Variants in PPL observed in about 807,000 individuals in gnomAD.
PPL encodes periplakin, also known as 190 kDa paraneoplastic pemphigus antigen.
PPL carries 198 observed loss-of-function variants against 194.4 expected under a neutral mutation model. The ratio of observed to expected loss-of-function variants is 1.02; its 90% CI spans 0.91 to 1.15. The LOEUF (loss-of-function observed/expected upper bound fraction) is 1.15, where lower values mean the gene tolerates loss of function less well. PPL is among the 50% of genes most tolerant of loss of function. The pLI is 0.00. For synonymous variants in PPL, 1,220 were observed against 972.4 expected (o/e 1.25, Z -4.74); for missense variants, 2,885 against 2,294.8 (o/e 1.26, Z -5.25).
Position 4,888,152 on chromosome 16 carries a change from C to T in PPL, c.2464G>A (p.Val822Met), listed in dbSNP as rs1178364529. The T allele has an allele frequency of 5.6e-6, 9 of 1,613,928 alleles. No homozygotes were observed. Among genetic ancestry groups the T allele is most frequent in the East Asian group, 4.5e-5 (2 of 44,894 alleles). The change falls in exon 20 of 22, where the codon GTG becomes ATG. Residue 822 changes from valine (V) to methionine (M), a missense_variant. Val to Met is a conservative substitution (Grantham distance 21). Transcript: ENST00000345988. ...GATTGGAGCCTGGCTCTCTTGCTCA[C>T]GTGGCTTCTCCTTCCATTCTCCAAG... The part of the protein sequence containing the change: ...LDLENGRRSH[V>M]SKRARLQSPA...
rs368295995 is a variant in PPL at position 4,884,176 on chromosome 16, C to T, written c.4479G>A (p.Ala1493=). 3.6e-5 allele frequency: 58 copies of T among 1,613,980 alleles called. No homozygotes were observed. The highest frequency in any genetic ancestry group is 2.7e-4 in the Admixed American group (16 of 60,012). Residue 1493 remains alanine, a synonymous_variant, in exon 22 of 22, where the codon GCG becomes GCA. Transcript: ENST00000345988. This position sits in a 1 kb window ranked among gnomAD's most constrained non-coding sequence, Gnocchi z 5.7. Reference sequence around the variant, plus strand: ...AGAGCACCACCTTCTCCTTGACCTCCGCCTTCTCCAGTGCAGCCAGTTTCC... The same window carrying T: ...AGAGCACCACCTTCTCCTTGACCTCTGCCTTCTCCAGTGCAGCCAGTTTCC... ...LRRKLAALEK[A]EVKEKVVLSE...
chr16:4,916,517 A>G (rs536027453), intron 1 of PPL, among the ~76,000 whole-genome samples: 1 of 126,050 alleles, frequency 7.9e-6, no homozygotes, highest in Admixed American at 7.9e-5. Flanking sequence ...CAGCCTTATT[A>G]TTTTTTGAGA....
intron 1 of PPL, among the ~76,000 whole-genome samples, chr16:4,917,801 C>G (rs764335619): frequency 1.3e-5 from 2 of 151,994 alleles, no homozygotes; most frequent in Non-Finnish European, 2.9e-5. Flanking sequence ...ACTCGGGAGG[C>G]TGAGGTAGGA....
chr16:4,923,425 C>T (rs1440079628), intron 1 of PPL, among the ~76,000 whole-genome samples: 1 of 152,194 alleles, frequency 6.6e-6, no homozygotes, highest in Non-Finnish European at 1.5e-5. Flanking sequence ...GCTTCCCGGC[C>T]TCCTGCCCCC....
At chr16:4,911,056 G>A in intron 1 of PPL, 107 bp from the exon 2 acceptor site, 3 of 845,278 alleles carry the variant, frequency 3.5e-6, no homozygotes, top group Non-Finnish European at 5.7e-6. Flanking sequence ...GCTCTGAGCA[G>A]GAGCTGCCCA....
intron 1 of PPL, among the ~76,000 whole-genome samples, chr16:4,921,595 C>A (rs4641742): frequency 0.64 from 97,934 of 151,938 alleles, 35,477 homozygotes; most frequent in Non-Finnish European, 0.8. Context: ...GCCTCCCGAG[C>A]AGCTGGAATT....
intron 1 of PPL, among the ~76,000 whole-genome samples, chr16:4,917,227 T>C (rs939133424): frequency 1.3e-5 from 2 of 152,198 alleles, no homozygotes; most frequent in African/African-American, 4.8e-5. Flanking sequence ...GCATGATTCA[T>C]AATAGCCTTT....
intron 14 of PPL, 62 bp downstream of exon 14, chr16:4,893,151 G>C (rs2088350475): frequency 2.1e-6 from 3 of 1,438,452 alleles, no homozygotes; most frequent in Middle Eastern, 2.5e-4. Flanking sequence ...CCTCAAATAG[G>C]GGCCCCAGGG....
At chr16:4,907,872 T>C (rs950266454) in intron 2 of PPL, among the ~76,000 whole-genome samples, 2 of 151,926 alleles carry the variant, frequency 1.3e-5, no homozygotes, top group Non-Finnish European at 2.9e-5. Flanking sequence ...GTTAAAAAAA[T>C]AGGCCGGGTG....
rs1191286274 is a variant in PPL at position 4,903,761 on chromosome 16, C to T, written c.317+125G>A. The T allele has an allele frequency of 4.4e-5, 50 of 1,130,268 alleles. 1 individual carries two copies. Among genetic ancestry groups the T allele is most frequent in the African/African-American group, 7.8e-5 (5 of 64,194 alleles). The allele number at this position is 1,130,268 out of a possible 1,614,324, so 70.0% of individuals were successfully genotyped here. A position where few individuals can be genotyped will look rare whatever the true frequency, so the allele number is the denominator to read the frequency against. ...AAAGGATCATGTGAAGCCTTTGGCA[C>T]GTGCCTGGCACCTAATTAGCCCTTG... On this transcript the variant is annotated intron_variant, in intron 3 of 21. Coordinates refer to ENST00000345988, the MANE Select transcript of PPL (RefSeq NM_002705.5).
rs75857765 is a variant in PPL at position 4,889,084 on chromosome 16, C to A, written c.2314-23G>T. The A allele has an allele frequency of 3.6e-3, 5,698 of 1,602,734 alleles. 24 individuals carry two copies. The highest frequency in any genetic ancestry group is 0.01 in the Middle Eastern group (58 of 5,714). On this transcript the variant is annotated intron_variant, in intron 18 of 21. Coordinates refer to ENST00000345988, the MANE Select transcript of PPL (RefSeq NM_002705.5). Reference sequence around the variant, plus strand: ...GTTCTGTAAGACAGAGTTTAAAAATCAAAACTAACCAGAAAAAAAATTTAA... The same window carrying A: ...GTTCTGTAAGACAGAGTTTAAAAATAAAAACTAACCAGAAAAAAAATTTAA...
In PPL at chr16:4,899,341, T is replaced by C. The variant is rs1484209126; in HGVS notation, c.650A>G (p.Asp217Gly). 4 of 1,612,350 alleles carry C rather than the reference T, an allele frequency of 2.5e-6. No individual in the cohort carries two copies. In the South Asian group the frequency reaches 4.4e-5, roughly 18 times the overall value. Reference protein sequence around the residue: ...ARQQHLSSLQDYMQRCTNELY... With the variant: ...ARQQHLSSLQGYMQRCTNELY... ...CTCATTGGTGCAGCGCTGCATGTAGTCCTGCAGCGAACTCAGGTGCTGCTG... is the reference window on the plus strand; with the variant it reads ...CTCATTGGTGCAGCGCTGCATGTAGCCCTGCAGCGAACTCAGGTGCTGCTG... The change falls in exon 7 of 22, where the codon GAC (aspartate) becomes GGC (glycine). Residue 217 changes from aspartate to glycine, a missense_variant. Physicochemically the swap from Asp to Gly is moderately conservative, Grantham distance 94. Coordinates refer to ENST00000345988, the MANE Select transcript of PPL (RefSeq NM_002705.5).
rs755556045 is a variant in PPL at position 4,902,454 on chromosome 16, C to T, written c.390G>A (p.Lys130=). 24 of 1,613,976 alleles carry T rather than the reference C, an allele frequency of 1.5e-5. No homozygotes were observed. Among genetic ancestry groups the T allele is most frequent in the Middle Eastern group, 1.6e-4 (1 of 6,084 alleles). The change falls in exon 4 of 22, where the codon AAG becomes AAA. Residue 130 remains lysine, a synonymous_variant. Transcript: ENST00000345988. The surrounding 1 kb of genome is among the most constrained non-coding windows in gnomAD (Gnocchi z 4.0). ...CCCAGTTGACCTGTGGATCCACTTC[C>T]TTCACCGCCAGCCTGTAGATCTGCT... ...KHKQIYRLAV[K]EVDPQVNWAA...
At chr16:4,926,528 C>G (rs1226454516) in intron 1 of PPL, among the ~76,000 whole-genome samples, 2 of 152,144 alleles carry the variant, frequency 1.3e-5, no homozygotes, top group Non-Finnish European at 2.9e-5. Context: ...CCCAACTATT[C>G]AAAAGCTTGT....
intron 1 of PPL, among the ~76,000 whole-genome samples, chr16:4,929,806 C>G (rs779686691): frequency 6.6e-6 from 1 of 152,094 alleles, no homozygotes; most frequent in African/African-American, 2.4e-5. Context: ...CCCTCTCAGC[C>G]TCCTGAGTAG....
In PPL at chr16:4,903,868, G is replaced by A; in HGVS notation, c.317+18C>T. 6.2e-7 allele frequency: 1 copy of A among 1,613,086 alleles called. No individual in the cohort carries two copies. Among genetic ancestry groups the A allele is most frequent in the African/African-American group, 1.3e-5 (1 of 75,056 alleles). On this transcript the variant is annotated intron_variant, in intron 3 of 21. Coordinates refer to ENST00000345988, the MANE Select transcript of PPL (RefSeq NM_002705.5). ...GCCCCCAATGGCTCCCCTGGGGTAA[G>A]AAGCAGAAGGGACCTACTCCTCGGC...
chr16:4,925,184 G>T (rs972266176), intron 1 of PPL, among the ~76,000 whole-genome samples: 2 of 152,164 alleles, frequency 1.3e-5, no homozygotes, highest in Non-Finnish European at 2.9e-5. Flanking sequence ...GCCCAGAGAA[G>T]GGGCTGGGCC....
intron 1 of PPL, among the ~76,000 whole-genome samples, chr16:4,923,665 C>G (rs1568054865): frequency 6.6e-6 from 1 of 152,228 alleles, no homozygotes; most frequent in Non-Finnish European, 1.5e-5. Context: ...TGTTGTGGCT[C>G]TAACCCAGGT....
chr16:4,898,908 G>C, intron 8 of PPL, 105 bp downstream of exon 8: 2 of 833,338 alleles, frequency 2.4e-6, no homozygotes, highest in Non-Finnish European at 4.0e-6. Context: ...GATGCAGCTT[G>C]CAGGACCCCC....
Sources: allele counts gnomAD v4.1 joint callset (sites outside exome capture counted in the v4.1 genomes callset), GRCh38; gene constraint gnomAD v4.1.1; non-coding constraint Gnocchi (gnomAD v3.1); transcripts MANE v1.5; gene names NCBI Gene and HGNC (gene_info 2026-07-23, HGNC 2026-07-21).